RABGAP1L: variants seen among roughly 807,000 people sequenced by gnomAD.
RABGAP1L encodes RAB GTPase activating protein 1 like.
Under a neutral mutation model 137.7 loss-of-function variants are expected in RABGAP1L, and 63 were observed. The observed-to-expected ratio is 0.46, with a 90% CI of 0.37 to 0.56. The LOEUF is 0.56. Ranked by LOEUF, RABGAP1L falls within the 20% of genes least tolerant of loss-of-function variation. The pLI is 0.00. For missense variants in RABGAP1L, 1,095 were observed against 1,244.0 expected, an observed-to-expected ratio of 0.88 and a Z score of 1.80; for synonymous variants, 431 against 433.7, an observed-to-expected ratio of 0.99 and a Z score of 0.08.
intron 13 of RABGAP1L, among the ~76,000 whole-genome samples, chr1:174,546,702 T>C (rs1666035258): frequency 6.6e-6 from 1 of 152,246 alleles, no homozygotes; most frequent in African/African-American, 2.4e-5. Flanking sequence ...TTTGTTTAGC[T>C]ATTTGTTTTT....
At chr1:174,618,751 A>T (rs114500082) in intron 13 of RABGAP1L, among the ~76,000 whole-genome samples, 1 of 152,116 alleles carries the variant, frequency 6.6e-6, no homozygotes, top group Non-Finnish European at 1.5e-5. Context: ...TCCTCCAAAA[A>T]CGCAGCTCCT....
chr1:174,701,962 A>G (rs1679693964), intron 16 of RABGAP1L, 151 bp from the exon 17 acceptor site: 2 of 600,086 alleles, frequency 3.3e-6, no homozygotes. Flanking sequence ...ATCTGCTGTC[A>G]TCACTTCTGT....
chr1:174,993,152 C>T lies in RABGAP1L; in HGVS notation c.*3151C>T, dbSNP rs933002524. ...GTTTGCTAGCTTCCCACATCCTGAACCATGTCAAAATTTGGTTTTATTTAG... is the reference window on the plus strand; with the variant it reads ...GTTTGCTAGCTTCCCACATCCTGAATCATGTCAAAATTTGGTTTTATTTAG... On this transcript the variant is annotated 3_prime_UTR_variant, in exon 26 of 26. Transcript: ENST00000681986. The T allele has an allele frequency of 6.6e-6, 1 of 152,178 alleles. No individual in the cohort carries two copies. The highest frequency in any genetic ancestry group is 2.4e-5 in the African/African-American group (1 of 41,426). The allele number at this position is 152,178 out of a possible 1,614,324, so 9.4% of individuals were successfully genotyped here.
intron 13 of RABGAP1L, among the ~76,000 whole-genome samples, chr1:174,458,407 G>A (rs562639736): frequency 6.6e-6 from 1 of 151,970 alleles, no homozygotes; most frequent in Non-Finnish European, 1.5e-5. Flanking sequence ...CCCTTTGTAT[G>A]CTACTCACAG....
chr1:174,340,379 C>A (rs551416555), intron 11 of RABGAP1L, among the ~76,000 whole-genome samples: 1 of 152,166 alleles, frequency 6.6e-6, no homozygotes, highest in Admixed American at 6.6e-5. Flanking sequence ...AGTCTGTCAC[C>A]TGGATATGAA....
chr1:174,515,065 A>G (rs1271631533), intron 13 of RABGAP1L, among the ~76,000 whole-genome samples: 1 of 152,180 alleles, frequency 6.6e-6, no homozygotes, highest in Non-Finnish European at 1.5e-5. Context: ...ATAATTGAAG[A>G]AGAGTGTATA....
chr1:174,919,024 T>C (rs12080665), intron 19 of RABGAP1L, among the ~76,000 whole-genome samples: 4 of 142,474 alleles, frequency 2.8e-5, no homozygotes, highest in Non-Finnish European at 4.5e-5. Context: ...TTTTTCTTTT[T>C]TTTTTTTTTT....
chr1:174,623,848 C>T (rs1345460705), intron 13 of RABGAP1L, among the ~76,000 whole-genome samples: 1 of 152,176 alleles, frequency 6.6e-6, no homozygotes, highest in Non-Finnish European at 1.5e-5. Flanking sequence ...GTTCCATGGG[C>T]TAGAAGTCAC....
At position 174,441,254 on chromosome 1, in the gene RABGAP1L, A is replaced by G. The variant is rs558466747; in HGVS notation, c.1710+47109A>G. Among the ~76,000 whole-genome samples, 13 of 152,132 alleles carry G rather than the reference A, an allele frequency of 8.5e-5. No homozygotes were observed. The South Asian group carries it at 2.5e-3, about 29-fold the overall frequency. ...CTGATGATTGTAAAAAAAAATGGCAATAATAAGATACCTAATGACCCCGAA... is the reference window on the plus strand; with the variant it reads ...CTGATGATTGTAAAAAAAAATGGCAGTAATAAGATACCTAATGACCCCGAA... On this transcript the variant is annotated intron_variant, in intron 13 of 25. Transcript: ENST00000681986.
intron 19 of RABGAP1L, among the ~76,000 whole-genome samples, chr1:174,865,193 A>G (rs1458060545): frequency 1.3e-5 from 2 of 151,968 alleles, no homozygotes; most frequent in African/African-American, 2.4e-5. Flanking sequence ...AAAAGAACAC[A>G]TAGTTGGGCA....
intron 17 of RABGAP1L, among the ~76,000 whole-genome samples, chr1:174,724,484 A>C (rs545777866): frequency 2.0e-5 from 3 of 152,354 alleles, no homozygotes; most frequent in African/African-American, 4.8e-5. Flanking sequence ...ATATGCTTCC[A>C]AATTGTTTTG....
intron 13 of RABGAP1L, among the ~76,000 whole-genome samples, chr1:174,520,581 C>T (rs1484105724): frequency 6.6e-6 from 1 of 152,144 alleles, no homozygotes; most frequent in Admixed American, 6.5e-5. Context: ...TTAAAAAATT[C>T]ATTGTTTGAA....
intron 11 of RABGAP1L, among the ~76,000 whole-genome samples, chr1:174,335,119 G>A (rs932865781): frequency 6.6e-6 from 1 of 152,110 alleles, no homozygotes; most frequent in African/African-American, 2.4e-5. Context: ...AGAGTAGGAA[G>A]TAATAGTTTC....
At chr1:174,670,236 A>T (rs965515446) in intron 14 of RABGAP1L, among the ~76,000 whole-genome samples, 5 of 151,400 alleles carry the variant, frequency 3.3e-5, no homozygotes, top group Non-Finnish European at 5.9e-5. Flanking sequence ...TAGCTACTTT[A>T]TTTTTTATTT....
chr1:174,872,654 T>C (rs1573602827), intron 19 of RABGAP1L, among the ~76,000 whole-genome samples: 1 of 151,990 alleles, frequency 6.6e-6, no homozygotes, highest in African/African-American at 2.4e-5. Context: ...CTGAACCTCC[T>C]GGGTTCCCCG....
chr1:174,197,663 G>C (rs1414671513), intron 1 of RABGAP1L, among the ~76,000 whole-genome samples: 1 of 152,104 alleles, frequency 6.6e-6, no homozygotes, highest in East Asian at 1.9e-4. Context: ...GCCGGGCATT[G>C]GTTGCGGGCG....
intron 14 of RABGAP1L, among the ~76,000 whole-genome samples, chr1:174,650,153 T>C (rs1395737351): frequency 2.0e-5 from 3 of 152,192 alleles, no homozygotes; most frequent in Admixed American, 6.5e-5. Context: ...TTTACGTATA[T>C]TGAACCAGCC....
intron 23 of RABGAP1L, among the ~76,000 whole-genome samples, chr1:174,980,909 GTTTTTTT>G (rs370748304): frequency 7.0e-6 from 1 of 143,864 alleles, no homozygotes; most frequent in African/African-American, 2.5e-5. Context: ...AGTTTTTTTT[GTTTTTTT>G]TTTTTGCTAG....
chr1:174,601,040 A>T (rs1275568841), intron 13 of RABGAP1L, among the ~76,000 whole-genome samples: 1 of 152,214 alleles, frequency 6.6e-6, no homozygotes, highest in Non-Finnish European at 1.5e-5. Flanking sequence ...CCAAACCTCA[A>T]TTCTTGACTT....
Sources: gnomAD v4.1 joint callset for allele counts (sites outside exome capture counted in the v4.1 genomes callset) on GRCh38, gnomAD v4.1.1 for gene constraint, MANE v1.5 for transcripts, NCBI Gene and HGNC (gene_info 2026-07-23, HGNC 2026-07-21) for gene names.